FOXK1: variants seen among roughly 807,000 people sequenced by gnomAD.
FOXK1 encodes the protein forkhead box K1.
Under a neutral mutation model 51.9 loss-of-function variants are expected in FOXK1, and 19 were observed. That is an observed-to-expected ratio of 0.37 (90% CI 0.26 to 0.54). The LOEUF (loss-of-function observed/expected upper bound fraction) is 0.54, where lower values mean the gene tolerates loss of function less well. FOXK1 is among the 20% of genes least tolerant of loss of function. The probability of loss-of-function intolerance (pLI) is 0.87; values close to 1 mark genes in which losing one functional copy is unlikely to be tolerated. For missense variants in FOXK1, 870 were observed against 1,032.7 expected, an observed-to-expected ratio of 0.84 and a Z score of 2.16; for synonymous variants, 537 against 482.6, an observed-to-expected ratio of 1.11 and a Z score of -1.48.
intron 1 of FOXK1, among the ~76,000 whole-genome samples, chr7:4,702,830 C>G (rs2115035798): frequency 6.6e-6 from 1 of 152,318 alleles, no homozygotes; most frequent in Non-Finnish European, 1.5e-5. Context: ...GACGGGGCCT[C>G]TGGCCTCCTC....
intron 1 of FOXK1, among the ~76,000 whole-genome samples, chr7:4,724,190 G>GGTT (rs1039179864): frequency 6.6e-6 from 1 of 151,700 alleles, no homozygotes; most frequent in Non-Finnish European, 1.5e-5. Context: ...TTTTGGGGGT[G>GGTT]GTTGTTGTTG....
At position 4,735,406 on chromosome 7, in the gene FOXK1, G is replaced by A. The variant is rs913357852; in HGVS notation, c.561-5432G>A. On this transcript the variant is annotated intron_variant, in intron 1 of 8. Coordinates refer to ENST00000328914, the MANE Select transcript of FOXK1 (RefSeq NM_001037165.2). The surrounding 1 kb of genome is among the most constrained non-coding windows in gnomAD (Gnocchi z 4.7). ...CTAACCCTTTCCATTGTTCCAGTCC[G>A]TGGTTTTCAGCGCATTCGCAGAGTT... 1.3e-5 allele frequency among the ~76,000 whole-genome samples: 2 copies of A among 152,168 alleles called. No homozygotes were observed. The highest frequency in any genetic ancestry group is 6.5e-5 in the Admixed American group (1 of 15,276).
chr7:4,692,080 A>G (rs74775857), intron 1 of FOXK1, among the ~76,000 whole-genome samples: 2,755 of 152,286 alleles, frequency 0.018, 89 homozygotes, highest in African/African-American at 0.064. Context: ...ATATTTATTT[A>G]TCTACTCAAA....
Position 4,763,260 on chromosome 7 carries a change from G to C in FOXK1, c.*796G>C, listed in dbSNP as rs1397302333. ...CCTGGGTTGGCGTTCGCGGTGGAAGGTTCCTAGGATGAAAGGTGAGCCTGG... is the reference window on the plus strand; with the variant it reads ...CCTGGGTTGGCGTTCGCGGTGGAAGCTTCCTAGGATGAAAGGTGAGCCTGG... On this transcript the variant is annotated 3_prime_UTR_variant, in exon 9 of 9. Transcript: ENST00000328914. 1 of 152,226 alleles carries C rather than the reference G, an allele frequency of 6.6e-6. No individual in the cohort carries two copies. The highest frequency in any genetic ancestry group is 1.5e-5 in the Non-Finnish European group (1 of 68,054). The allele number at this position is 152,226 out of a possible 1,614,324, so 9.4% of individuals were successfully genotyped here. A position where few individuals can be genotyped will look rare whatever the true frequency, so the allele number is the denominator to read the frequency against.
chr7:4,746,356 T>C (rs1780701993), intron 2 of FOXK1, among the ~76,000 whole-genome samples: 6 of 152,206 alleles, frequency 3.9e-5, no homozygotes, highest in Admixed American at 3.9e-4. Flanking sequence ...TACTCTCCTT[T>C]TTCTGACAAC....
chr7:4,726,600 C>T (rs1309195782), intron 1 of FOXK1, among the ~76,000 whole-genome samples: 3 of 151,458 alleles, frequency 2.0e-5, no homozygotes, highest in Non-Finnish European at 4.4e-5. Context: ...CCAGCCTGGA[C>T]GACAGAGCGA....
At position 4,709,705 on chromosome 7, in the gene FOXK1, G is replaced by A. The variant is rs150391652; in HGVS notation, c.560+26837G>A. On this transcript the variant is annotated intron_variant, in intron 1 of 8. Coordinates refer to ENST00000328914, the MANE Select transcript of FOXK1 (RefSeq NM_001037165.2). This position sits in a 1 kb window ranked among gnomAD's most constrained non-coding sequence, Gnocchi z 5.6. ...TACAAAACGTCAAATTGCGTTTTAC[G>A]CCATTGGTTTGGACCCTGGAGCAGT... is the stretch of plus-strand genomic sequence containing the variant. Among the ~76,000 whole-genome samples the A allele has an allele frequency of 9.1e-4, 138 of 152,304 alleles. 2 individuals carry two copies. In the East Asian group the frequency reaches 0.014, roughly 16 times the overall value.
intron 1 of FOXK1, among the ~76,000 whole-genome samples, chr7:4,720,350 T>C (rs760918951): frequency 1.3e-5 from 2 of 152,228 alleles, no homozygotes; most frequent in Non-Finnish European, 2.9e-5. Context: ...TTGTTATGTA[T>C]GGTCTAGTGT....
intron 2 of FOXK1, among the ~76,000 whole-genome samples, chr7:4,751,686 G>A (rs1780780872): frequency 6.6e-6 from 1 of 152,236 alleles, no homozygotes; most frequent in Non-Finnish European, 1.5e-5. Flanking sequence ...GGGCTGCTCC[G>A]AGGGCTGGAG....
rs1016986441 is a variant in FOXK1 at position 4,745,998 on chromosome 7, G to C, written c.746+4975G>C. On this transcript the variant is annotated intron_variant, in intron 2 of 8. Coordinates refer to ENST00000328914, the MANE Select transcript of FOXK1 (RefSeq NM_001037165.2). The surrounding 1 kb of genome is among the most constrained non-coding windows in gnomAD (Gnocchi z 4.3). ...ACCAGTCTAAAAAGTGTTCCTTAGA[G>C]GTAGAGTTTTAAGAAAACTGCTGAA... Among the ~76,000 whole-genome samples, 1 of 152,208 alleles carries C rather than the reference G, an allele frequency of 6.6e-6. No homozygotes were observed. The highest frequency in any genetic ancestry group is 2.4e-5 in the African/African-American group (1 of 41,456).
intron 1 of FOXK1, among the ~76,000 whole-genome samples, chr7:4,727,228 A>G (rs2115052145): frequency 6.6e-6 from 1 of 152,354 alleles, no homozygotes; most frequent in East Asian, 1.9e-4. Context: ...TTGGGATTAC[A>G]GGCGTGAGCC....
At chr7:4,732,328 C>CCATTCATT (rs546632870) in intron 1 of FOXK1, among the ~76,000 whole-genome samples, 1 of 152,138 alleles carries the variant, frequency 6.6e-6, no homozygotes, top group South Asian at 2.1e-4. Flanking sequence ...CGACAGTTCT[C>CCATTCATT]CATTCATTCA....
rs994606989 is a variant in FOXK1, at chr7:4,735,323, T to G, written c.561-5515T>G. 6.6e-6 allele frequency among the ~76,000 whole-genome samples: 1 copy of G among 152,206 alleles called. No homozygotes were observed. Among genetic ancestry groups the G allele is most frequent in the African/African-American group, 2.4e-5 (1 of 41,462 alleles). On this transcript the variant is annotated intron_variant, in intron 1 of 8. Coordinates refer to ENST00000328914, the MANE Select transcript of FOXK1 (RefSeq NM_001037165.2). This position sits in a 1 kb window ranked among gnomAD's most constrained non-coding sequence, Gnocchi z 4.7. ...AGTAGACCCTCAGTGTGGGAGCTTT[T>G]GGGCAAGAATTCTCCCCAAAAACAG...
Position 4,731,559 on chromosome 7 carries a change from A to C in FOXK1, c.561-9279A>C, listed in dbSNP as rs912574187. The stretch of plus-strand genomic sequence containing the variant: ...TGCATCACCTGAGGTCAGGAGTTCA[A>C]GACCAGCCTGGCCAACATGGTGAAA... On this transcript the variant is annotated intron_variant, in intron 1 of 8. Transcript: ENST00000328914. The surrounding 1 kb of genome is among the most constrained non-coding windows in gnomAD (Gnocchi z 5.3). 6.6e-6 allele frequency among the ~76,000 whole-genome samples: 1 copy of C among 152,146 alleles called. No individual in the cohort carries two copies. The highest frequency in any genetic ancestry group is 2.4e-5 in the African/African-American group (1 of 41,444).
rs1001926789 is a variant in FOXK1 at position 4,743,224 on chromosome 7, T to C, written c.746+2201T>C. On this transcript the variant is annotated intron_variant, in intron 2 of 8. Coordinates refer to ENST00000328914, the MANE Select transcript of FOXK1 (RefSeq NM_001037165.2). This position sits in a 1 kb window ranked among gnomAD's most constrained non-coding sequence, Gnocchi z 5.3. ...TTCCAGAAGTAGATAGTGGTGATGG[T>C]TATTCAATTTTGTGAATATCCTAAA... 2.0e-5 allele frequency among the ~76,000 whole-genome samples: 3 copies of C among 152,202 alleles called. No homozygotes were observed. Among genetic ancestry groups the C allele is most frequent in the African/African-American group, 7.2e-5 (3 of 41,456 alleles).
At chr7:4,696,732 A>G (rs941888408) in intron 1 of FOXK1, among the ~76,000 whole-genome samples, 9 of 152,160 alleles carry the variant, frequency 5.9e-5, no homozygotes, top group African/African-American at 2.2e-4. Context: ...AACCTTGCCT[A>G]TGGAAAGTCC....
rs113270317 is a variant in FOXK1, at chr7:4,752,092, G to T, written c.747-2367G>T. On this transcript the variant is annotated intron_variant, in intron 2 of 8. Transcript: ENST00000328914. ...CTCAGCCTCCTGAACAGCTGGAACT[G>T]CAGGTGTGCATTACCACGCCCAGCT... Among the ~76,000 whole-genome samples the T allele has an allele frequency of 9.6e-3, 1,455 of 152,228 alleles. 35 individuals carry two copies. The highest frequency in any genetic ancestry group is 0.033 in the African/African-American group (1,365 of 41,536).
In FOXK1 at chr7:4,761,573, C is replaced by G. The variant is rs999155752; in HGVS notation, c.1921+285C>G. ...CAAGACCCCATCTCTACATAAGATT[C>G]AAAAACTTAGCCAGGTGTGGTGTTG... is the stretch of plus-strand genomic sequence containing the variant. On this transcript the variant is annotated intron_variant, in intron 8 of 8. Coordinates refer to ENST00000328914, the MANE Select transcript of FOXK1 (RefSeq NM_001037165.2). The surrounding 1 kb of genome is among the most constrained non-coding windows in gnomAD (Gnocchi z 6.2). Among the ~76,000 whole-genome samples, 3 of 152,092 alleles carry G rather than the reference C, an allele frequency of 2.0e-5. No homozygotes were observed. The highest frequency in any genetic ancestry group is 1.9e-4 in the East Asian group (1 of 5,174).
chr7:4,682,316 A>G lies in FOXK1; in HGVS notation c.8A>G (p.Glu3Gly). 1.0e-6 allele frequency: 1 copy of G among 990,990 alleles called. No homozygotes were observed. Among genetic ancestry groups the G allele is most frequent in the Non-Finnish European group, 1.2e-6 (1 of 836,410 alleles). 61.4% of individuals were successfully genotyped at this position (990,990 alleles called of 1,614,324 possible). A position where few individuals can be genotyped will look rare whatever the true frequency, so the allele number is the denominator to read the frequency against. Residue 3 changes from glutamate (E) to glycine (G), a missense_variant, in exon 1 of 9, where the codon GAA (glutamate) becomes GGA (glycine). Glu to Gly is a moderately conservative substitution (Grantham distance 98). This residue lies in a region of FOXK1 where 399 missense variants were observed against 475.6 expected (regional missense o/e 0.84). Transcript: ENST00000328914. The surrounding 1 kb of genome is among the most constrained non-coding windows in gnomAD (Gnocchi z 7.6). ...GCTCGGAGCCGCGCGAACATGGCCG[A>G]AGTCGGCGAGGACAGCGGCGCCCGC... is the stretch of plus-strand genomic sequence containing the variant. MA[E>G]VGEDSGARAL...
Sources: allele counts gnomAD v4.1 joint callset (sites outside exome capture counted in the v4.1 genomes callset), GRCh38; gene constraint gnomAD v4.1.1; regional missense constraint gnomAD v4.1.1; non-coding constraint Gnocchi (gnomAD v3.1); transcripts MANE v1.5; gene names NCBI Gene and HGNC (gene_info 2026-07-23, HGNC 2026-07-21).